The following SYT15B variants were observed in gnomAD, a reference collection of about 807,000 sequenced individuals.
SYT15B encodes synaptotagmin 15B, also known as synaptotagmin-15.
At chr10:47,762,193 G>C in the SYT15B span, among the ~76,000 whole-genome samples, 1 of 151,682 alleles carries the variant, frequency 6.6e-6, no homozygotes, top group African/African-American at 2.4e-5. Flanking sequence ...ACGCGCTTAG[G>C]GGAGTTGGTG....
At chr10:47,745,445 G>A in the SYT15B span, among the ~76,000 whole-genome samples, 2 of 148,592 alleles carry the variant, frequency 1.3e-5, no homozygotes, top group Admixed American at 1.4e-4. Context: ...GCAGAAAGAT[G>A]GTTTAAAAAA....
the SYT15B span, among the ~76,000 whole-genome samples, chr10:47,755,555 C>CTTTTTTT: frequency 4.8e-5 from 4 of 82,988 alleles, no homozygotes; most frequent in East Asian, 8.1e-4. Flanking sequence ...GTGCCCGGCC[C>CTTTTTTT]TTTTTTTTTT....
chr10:47,755,555 CTTT>C, the SYT15B span, among the ~76,000 whole-genome samples: 19 of 82,990 alleles, frequency 2.3e-4, no homozygotes, highest in South Asian at 1.8e-3. Flanking sequence ...GTGCCCGGCC[CTTT>C]TTTTTTTTTT....
the SYT15B span, among the ~76,000 whole-genome samples, chr10:47,749,689 TA>T: frequency 4.0e-5 from 6 of 150,784 alleles, no homozygotes; most frequent in African/African-American, 1.5e-4. Flanking sequence ...GAAACGGAAT[TA>T]AAAAAATAAT....
At chr10:47,749,424 T>G in the SYT15B span, among the ~76,000 whole-genome samples, 5 of 150,976 alleles carry the variant, frequency 3.3e-5, no homozygotes, top group South Asian at 2.1e-4. Flanking sequence ...GAATATTGAC[T>G]GCACATAGCA....
chr10:47,744,780 G>A, the SYT15B span, among the ~76,000 whole-genome samples: 1 of 151,794 alleles, frequency 6.6e-6, no homozygotes, highest in Non-Finnish European at 1.5e-5. Context: ...TGCTCTGCAG[G>A]TCACTCCTCC....
At chr10:47,761,067 T>A in the SYT15B span, 1 of 611,088 alleles carries the variant, frequency 1.6e-6, no homozygotes, top group Non-Finnish European at 2.8e-6. Flanking sequence ...GGCACCATTT[T>A]CTGGGCCCAT....
the SYT15B span, among the ~76,000 whole-genome samples, chr10:47,761,100 ACG>A: frequency 1.1e-4 from 8 of 71,230 alleles, no homozygotes; most frequent in South Asian, 3.1e-3. Context: ...ACACACACAC[ACG>A]CACACACACA....
the SYT15B span, among the ~76,000 whole-genome samples, chr10:47,749,672 A>G: frequency 9.9e-5 from 14 of 140,748 alleles, 1 homozygote; most frequent in Admixed American, 5.6e-4. Flanking sequence ...AACCAATGGT[A>G]GGGGGGGAAA....
At chr10:47,745,766 C>G in the SYT15B span, among the ~76,000 whole-genome samples, 6 of 135,748 alleles carry the variant, frequency 4.4e-5, no homozygotes, top group Non-Finnish European at 6.5e-5. Flanking sequence ...AATTCTTCAC[C>G]CCTCCCTGTG....
At chr10:47,756,639 C>T in the SYT15B span, among the ~76,000 whole-genome samples, 1 of 152,282 alleles carries the variant, frequency 6.6e-6, no homozygotes, top group African/African-American at 2.4e-5. Context: ...TCCTGCCTGG[C>T]TTACGGTGAC....
At chr10:47,755,260 CT>C in the SYT15B span, among the ~76,000 whole-genome samples, 1,068 of 140,008 alleles carry the variant, frequency 7.6e-3, 3 homozygotes, top group African/African-American at 0.024. Context: ...CAGCCAACCT[CT>C]TTTTTTTTTT....
the SYT15B span, among the ~76,000 whole-genome samples, chr10:47,749,435 A>AT: frequency 1.5e-4 from 23 of 151,076 alleles, no homozygotes; most frequent in East Asian, 4.5e-3. Context: ...GCACATAGCA[A>AT]TAATAATAAT....
the SYT15B span, among the ~76,000 whole-genome samples, chr10:47,756,888 G>A: frequency 6.9e-6 from 1 of 144,944 alleles, no homozygotes; most frequent in Non-Finnish European, 1.5e-5. Flanking sequence ...TGATGGAAAG[G>A]TGGAGGTGGA....
the SYT15B span, among the ~76,000 whole-genome samples, chr10:47,748,560 C>G: frequency 2.0e-5 from 3 of 152,134 alleles, no homozygotes; most frequent in Non-Finnish European, 4.4e-5. Context: ...AAGGAAAAAA[C>G]ATTAAAAGCA....
the SYT15B span, among the ~76,000 whole-genome samples, chr10:47,748,267 GGC>G: frequency 7.1e-6 from 1 of 141,600 alleles, no homozygotes; most frequent in South Asian, 2.5e-4. Flanking sequence ...GGAGTACGGT[GGC>G]GCGCGATCTC....
chr10:47,748,676 G>T, the SYT15B span, among the ~76,000 whole-genome samples: 35 of 152,172 alleles, frequency 2.3e-4, no homozygotes, highest in South Asian at 1.0e-3. Flanking sequence ...TTTTGTAGAG[G>T]GGGGGGATCT....
At chr10:47,752,998 C>T in the SYT15B span, 4 of 134,440 alleles carry the variant, frequency 3.0e-5, no homozygotes, top group Non-Finnish European at 6.3e-5. Context: ...ATCCCAGCTA[C>T]TTGGGAGGCT....
chr10:47,755,465 C>T, the SYT15B span, among the ~76,000 whole-genome samples: 5 of 151,674 alleles, frequency 3.3e-5, no homozygotes, highest in East Asian at 9.7e-4. Flanking sequence ...CTGTGTTAGC[C>T]AGGATGGTCT....
Sources: allele counts gnomAD v4.1 joint callset (sites outside exome capture counted in the v4.1 genomes callset), GRCh38; gene constraint gnomAD v4.1.1; transcripts MANE v1.5; gene names NCBI Gene and HGNC (gene_info 2026-07-23, HGNC 2026-07-21).